The following TJP2 variants were observed in gnomAD, a reference collection of about 807,000 sequenced individuals.
TJP2 encodes tight junction protein 2.
In TJP2, 91 loss-of-function variants were observed where a neutral mutation model predicts 133.1. The ratio of observed to expected loss-of-function variants is 0.68; its 90% CI spans 0.58 to 0.81. The LOEUF (loss-of-function observed/expected upper bound fraction) is 0.81, where lower values mean the gene tolerates loss of function less well. Among genes scored for constraint, TJP2 ranks in the 40% least tolerant of loss-of-function variants. The pLI is 0.00. For synonymous variants in TJP2, 592 were observed against 583.4 expected (o/e 1.01, Z -0.21); for missense variants, 1,541 against 1,565.6 (o/e 0.98, Z 0.26).
intron 1 of TJP2, among the ~76,000 whole-genome samples, chr9:69,210,670 A>G (rs1827826976): frequency 1.3e-5 from 2 of 149,978 alleles, no homozygotes; most frequent in African/African-American, 4.9e-5. Flanking sequence ...CCCAGGCCCC[A>G]TTCACCACCC....
At chr9:69,167,846 C>CA (rs1321918022) in intron 2 of TJP2, among the ~76,000 whole-genome samples, 2 of 130,302 alleles carry the variant, frequency 1.5e-5, no homozygotes, top group African/African-American at 5.8e-5. Flanking sequence ...CCAGCCTGGG[C>CA]AAGAGAGCGA....
intron 1 of TJP2, among the ~76,000 whole-genome samples, chr9:69,184,600 A>G (rs1034595377): frequency 6.6e-6 from 1 of 152,236 alleles, no homozygotes; most frequent in African/African-American, 2.4e-5. Context: ...TGGTAGAAAC[A>G]GAAACTCAGT....
chr9:69,195,830 T>C lies in TJP2; in HGVS notation c.61-16718T>C, dbSNP rs75910948. The stretch of plus-strand genomic sequence containing the variant: ...TTACCAACTCACTGCAGAAGACTTA[T>C]TGGGCTGTGTTGACTGGACCCAGGC... On this transcript the variant is annotated intron_variant, in intron 1 of 22. Coordinates refer to ENST00000377245, the MANE Select transcript of TJP2 (RefSeq NM_004817.4). 6.8e-4 allele frequency among the ~76,000 whole-genome samples: 104 copies of C among 152,324 alleles called. 1 individual carries two copies. In the East Asian group the frequency reaches 0.019, roughly 28 times the overall value.
intron 1 of TJP2, among the ~76,000 whole-genome samples, chr9:69,128,480 G>A (rs1032796717): frequency 6.6e-6 from 1 of 151,592 alleles, no homozygotes; most frequent in African/African-American, 2.4e-5. Flanking sequence ...TTCTCTGATG[G>A]CTAATGATGT....
intron 1 of TJP2, among the ~76,000 whole-genome samples, chr9:69,195,330 T>C (rs12001736): frequency 6.6e-6 from 1 of 152,204 alleles, no homozygotes; most frequent in African/African-American, 2.4e-5. Flanking sequence ...GGCTTCTTTG[T>C]AATTACAAAT....
rs763305813 is a variant in TJP2, at chr9:69,251,055, A to G, written c.3012A>G (p.Glu1004=). The change falls in exon 21 of 23, where the codon GAA becomes GAG. Residue 1004 remains glutamate, a synonymous_variant. Coordinates refer to ENST00000377245, the MANE Select transcript of TJP2 (RefSeq NM_004817.4). ...EPPKAKTQNK[E]ESYDFSKSYE... ...CGCAGGCCAAAACCCAGAACAAAGAAGAATCCTATGACTTCTCCAAATCCT... is the reference window on the plus strand; with the variant it reads ...CGCAGGCCAAAACCCAGAACAAAGAGGAATCCTATGACTTCTCCAAATCCT... 6.8e-6 allele frequency: 11 copies of G among 1,614,104 alleles called. No homozygotes were observed. Among genetic ancestry groups the G allele is most frequent in the East Asian group, 2.2e-5 (1 of 44,888 alleles).
intron 2 of TJP2, among the ~76,000 whole-genome samples, chr9:69,153,062 T>A (rs915352022): frequency 4.7e-5 from 7 of 150,096 alleles, no homozygotes; most frequent in African/African-American, 1.5e-4. Context: ...TGTCTCTATT[T>A]AAAAAAAAAT....
chr9:69,224,495 T>C (rs1419088358), intron 5 of TJP2, among the ~76,000 whole-genome samples: 1 of 152,146 alleles, frequency 6.6e-6, no homozygotes, highest in African/African-American at 2.4e-5. Context: ...CTGGCCTACA[T>C]GGTGAAACCC....
chr9:69,249,315 G>T, intron 19 of TJP2, 60 bp from the exon 20 acceptor site: 2 of 1,556,624 alleles, frequency 1.3e-6, no homozygotes, highest in South Asian at 2.4e-5. Flanking sequence ...CAAAGCAGTC[G>T]AGTGCTCTGT....
Position 69,174,295 on chromosome 9 carries a change from G to T in TJP2, c.-78G>T. On this transcript the variant is annotated 5_prime_UTR_variant, in exon 1 of 23. Transcript: ENST00000377245. ...GCGGGTCAGAGCACTGTCCGGTGGT[G>T]CCCAGGAGGAGTAGGAGCAGGAGCA... The T allele has an allele frequency of 3.9e-6, 6 of 1,549,664 alleles. No homozygotes were observed. Among genetic ancestry groups the T allele is most frequent in the Non-Finnish European group, 5.2e-6 (6 of 1,146,480 alleles).
intron 1 of TJP2, among the ~76,000 whole-genome samples, chr9:69,207,361 T>G (rs1002205497): frequency 6.6e-6 from 1 of 152,204 alleles, no homozygotes; most frequent in Non-Finnish European, 1.5e-5. Flanking sequence ...TTGAGATGCA[T>G]CCCTTTTGTG....
At chr9:69,137,271 T>TTCTTTCTTTC (rs61042405) in intron 1 of TJP2, among the ~76,000 whole-genome samples, 70 of 92,048 alleles carry the variant, frequency 7.6e-4, no homozygotes, top group Middle Eastern at 5.5e-3. Context: ...CTTTCTTTCT[T>TTCTTTCTTTC]TTTCTTTCTT....
chr9:69,210,399 T>C (rs1563913045), intron 1 of TJP2, among the ~76,000 whole-genome samples: 1 of 149,498 alleles, frequency 6.7e-6, no homozygotes, highest in African/African-American at 2.5e-5. Context: ...AGAAAAAACT[T>C]TGAGTGCCTA....
At chr9:69,233,978 A>G (rs1324475510) in intron 11 of TJP2, among the ~76,000 whole-genome samples, 2 of 152,152 alleles carry the variant, frequency 1.3e-5, no homozygotes, top group East Asian at 3.9e-4. Context: ...TTATTTGCAC[A>G]CTTTTATTTG....
At chr9:69,253,241 C>G (rs757565402) in intron 22 of TJP2, 4 of 332,010 alleles carry the variant, frequency 1.2e-5, no homozygotes, top group African/African-American at 2.1e-5. Context: ...TTTGCTGACT[C>G]TCAGCCAAAC....
intron 2 of TJP2, among the ~76,000 whole-genome samples, chr9:69,155,590 TG>T (rs1401078393): frequency 6.6e-6 from 1 of 152,250 alleles, no homozygotes; most frequent in Non-Finnish European, 1.5e-5. Context: ...TTGTAATGGC[TG>T]GTTTAGAGCA....
intron 2 of TJP2, among the ~76,000 whole-genome samples, chr9:69,162,179 A>C (rs919633792): frequency 6.7e-6 from 1 of 148,232 alleles, no homozygotes; most frequent in African/African-American, 2.4e-5. Flanking sequence ...TACATAAAGT[A>C]TAATTTTGTA....
intron 1 of TJP2, among the ~76,000 whole-genome samples, chr9:69,181,123 C>CA (rs999031175): frequency 6.6e-6 from 1 of 150,784 alleles, no homozygotes; most frequent in Non-Finnish European, 1.5e-5. Flanking sequence ...GAATTTTGTC[C>CA]AAAAAAAATT....
intron 1 of TJP2, among the ~76,000 whole-genome samples, chr9:69,143,982 T>G (rs1429245094): frequency 2.0e-5 from 3 of 152,182 alleles, no homozygotes; most frequent in African/African-American, 7.2e-5. Context: ...ATTATGAATA[T>G]TCAAAACACA....
Sources: allele counts gnomAD v4.1 joint callset (sites outside exome capture counted in the v4.1 genomes callset), GRCh38; gene constraint gnomAD v4.1.1; transcripts MANE v1.5; gene names NCBI Gene and HGNC (gene_info 2026-07-23, HGNC 2026-07-21).